CFDP1: variants seen among roughly 807,000 people sequenced by gnomAD.
CFDP1 encodes heterochromatin-stabilizing protein CFDP1.
A neutral mutation model predicts 40.1 loss-of-function variants in CFDP1; 31 were observed. The observed-to-expected ratio is 0.77, with a 90% CI of 0.58 to 1.04. The LOEUF (loss-of-function observed/expected upper bound fraction) is 1.04. CFDP1 is among the 50% of genes least tolerant of loss of function. The pLI, the probability that CFDP1 is intolerant of heterozygous loss-of-function variation, is 0.00. For missense variants in CFDP1, 423 were observed against 343.4 expected (o/e 1.23, Z -1.83); for synonymous variants, 167 against 120.0 (o/e 1.39, Z -2.56).
Position 75,433,273 on chromosome 16 carries a change from A to G in CFDP1, c.64+16T>C, listed in dbSNP as rs1404049069. 6.3e-7 allele frequency: 1 copy of G among 1,591,518 alleles called. No homozygotes were observed. The highest frequency in any genetic ancestry group is 2.0e-4 in the Middle Eastern group (1 of 5,086). On this transcript the variant is annotated intron_variant, in intron 1 of 6. Coordinates refer to ENST00000283882, the MANE Select transcript of CFDP1 (RefSeq NM_006324.3). Reference sequence around the variant, plus strand: ...GGCGGGGCAATTCGCTTCTCGCCTCAGGCGGAATCGCTCACCCGACGGCAC... The same window carrying G: ...GGCGGGGCAATTCGCTTCTCGCCTCGGGCGGAATCGCTCACCCGACGGCAC...
chr16:75,381,946 CA>C (rs923219848), intron 5 of CFDP1, among the ~76,000 whole-genome samples: 3 of 151,930 alleles, frequency 2.0e-5, no homozygotes, highest in Admixed American at 6.6e-5. Context: ...AGAAAGGTAG[CA>C]GTCGAAAGCT....
At chr16:75,359,202 A>G (rs1410128974) in intron 5 of CFDP1, among the ~76,000 whole-genome samples, 2 of 152,204 alleles carry the variant, frequency 1.3e-5, no homozygotes, top group African/African-American at 4.8e-5. Flanking sequence ...GCTATTCTAA[A>G]TTTTAAAAAT....
chr16:75,397,199 C>A (rs1353067921), intron 4 of CFDP1, among the ~76,000 whole-genome samples: 1 of 150,708 alleles, frequency 6.6e-6, no homozygotes, highest in East Asian at 2.1e-4. Context: ...CAGGCGTGAG[C>A]CACTGCGCCC....
intron 5 of CFDP1, among the ~76,000 whole-genome samples, chr16:75,386,691 C>T (rs571357149): frequency 6.6e-6 from 1 of 152,302 alleles, no homozygotes; most frequent in East Asian, 1.9e-4. Flanking sequence ...CGACACTGCA[C>T]TCCAGCCTGG....
At chr16:75,417,259 G>A (rs1197396654) in intron 1 of CFDP1, among the ~76,000 whole-genome samples, 2 of 152,082 alleles carry the variant, frequency 1.3e-5, no homozygotes, top group African/African-American at 2.4e-5. Context: ...TTCTATCCCA[G>A]AATATATAAT....
At chr16:75,322,042 T>A (rs945886813) in intron 5 of CFDP1, 3 of 152,182 alleles carry the variant, frequency 2.0e-5, no homozygotes, top group Non-Finnish European at 2.9e-5. Flanking sequence ...GCCAGGATGG[T>A]CTCGATCTCC....
At chr16:75,309,088 G>A (rs1210527480) in intron 5 of CFDP1, among the ~76,000 whole-genome samples, 1 of 152,164 alleles carries the variant, frequency 6.6e-6, no homozygotes. Context: ...GATAGCAGCA[G>A]CCAGAACACA....
intron 5 of CFDP1, among the ~76,000 whole-genome samples, chr16:75,366,343 A>G (rs975123817): frequency 3.3e-5 from 5 of 152,176 alleles, no homozygotes. Flanking sequence ...TGAACTTCAA[A>G]AACACCTTAT....
Position 75,312,875 on chromosome 16 carries a change from GCA to G in CFDP1, c.651-7695_651-7694del, listed in dbSNP as rs566890713. On this transcript the variant is annotated intron_variant, in intron 5 of 6. Transcript: ENST00000283882. Reference sequence around the variant, plus strand: ...CAAAAGCAGTAGAGGTACTCTAAATGCACAGACTCCTGGTCTCTATTATAATC... The same window carrying G: ...CAAAAGCAGTAGAGGTACTCTAAATGCAGACTCCTGGTCTCTATTATAATC... Among the ~76,000 whole-genome samples the G allele has an allele frequency of 5.3e-5, 8 of 152,316 alleles. No individual in the cohort carries two copies. In the East Asian group the frequency reaches 1.5e-3, roughly 29 times the overall value.
At chr16:75,367,272 A>G (rs547260389) in intron 5 of CFDP1, among the ~76,000 whole-genome samples, 9 of 152,150 alleles carry the variant, frequency 5.9e-5, no homozygotes, top group African/African-American at 2.2e-4. Context: ...AACCTGTTTA[A>G]AACAATAGAA....
intron 4 of CFDP1, among the ~76,000 whole-genome samples, chr16:75,403,085 C>CA (rs1437324433): frequency 2.0e-4 from 30 of 152,262 alleles, no homozygotes; most frequent in African/African-American, 7.2e-4. Flanking sequence ...ATTGAGAAAA[C>CA]AGCAGACGCC....
At chr16:75,407,417 T>A (rs2079110168) in intron 4 of CFDP1, among the ~76,000 whole-genome samples, 1 of 151,776 alleles carries the variant, frequency 6.6e-6, no homozygotes, top group African/African-American at 2.4e-5. Context: ...TGGCTCATAC[T>A]TGTAATCCCA....
At chr16:75,424,546 G>C (rs2079313575) in intron 1 of CFDP1, among the ~76,000 whole-genome samples, 2 of 152,066 alleles carry the variant, frequency 1.3e-5, no homozygotes, top group Non-Finnish European at 2.9e-5. Flanking sequence ...ACGAGGTCAG[G>C]AGATCAAGAC....
At chr16:75,421,539 G>A (rs1177978919) in intron 1 of CFDP1, among the ~76,000 whole-genome samples, 1 of 152,152 alleles carries the variant, frequency 6.6e-6, no homozygotes. Context: ...CAAAGACTCA[G>A]AGCTTCCAAT....
intron 5 of CFDP1, among the ~76,000 whole-genome samples, chr16:75,349,984 T>A (rs2078599345): frequency 6.6e-6 from 1 of 151,982 alleles, no homozygotes; most frequent in South Asian, 2.1e-4. Context: ...GCATTCGGTT[T>A]TTCATGATTA....
At chr16:75,368,380 G>GAGT (rs2078730589) in intron 5 of CFDP1, among the ~76,000 whole-genome samples, 1 of 152,154 alleles carries the variant, frequency 6.6e-6, no homozygotes, top group Admixed American at 6.5e-5. Flanking sequence ...TTTGGTGGTG[G>GAGT]AGTGGATGGA....
chr16:75,325,813 C>A (rs531979554), intron 5 of CFDP1, among the ~76,000 whole-genome samples: 1 of 152,186 alleles, frequency 6.6e-6, no homozygotes, highest in African/African-American at 2.4e-5. Context: ...TTAGTTGCTA[C>A]TCAAGCTAGC....
chr16:75,363,395 C>CT (rs574638173), intron 5 of CFDP1, among the ~76,000 whole-genome samples: 256 of 143,670 alleles, frequency 1.8e-3, no homozygotes, highest in African/African-American at 2.3e-3. Flanking sequence ...AGCACTTTAC[C>CT]TTTTTTTTTT....
intron 5 of CFDP1, among the ~76,000 whole-genome samples, chr16:75,314,539 T>C (rs1444320468): frequency 6.6e-6 from 1 of 152,188 alleles, no homozygotes; most frequent in Non-Finnish European, 1.5e-5. Context: ...GGTTTCTTTT[T>C]GGAGTAATGA....
Sources: gnomAD v4.1 joint callset for allele counts (sites outside exome capture counted in the v4.1 genomes callset) on GRCh38, gnomAD v4.1.1 for gene constraint, MANE v1.5 for transcripts, NCBI Gene and HGNC (gene_info 2026-07-23, HGNC 2026-07-21) for gene names.